RPS6KA2: variants seen among roughly 807,000 people sequenced by gnomAD.
The protein encoded by RPS6KA2 is ribosomal protein S6 kinase alpha-2.
A neutral mutation model predicts 91.8 loss-of-function variants in RPS6KA2; 42 were observed. The ratio of observed to expected loss-of-function variants is 0.46; its 90% CI spans 0.36 to 0.59. The LOEUF (loss-of-function observed/expected upper bound fraction) is 0.59, where lower values mean the gene tolerates loss of function less well. Among genes scored for constraint, RPS6KA2 ranks in the 20% least tolerant of loss-of-function variants. The probability of loss-of-function intolerance (pLI) is 0.00; values close to 1 mark genes in which losing one functional copy is unlikely to be tolerated. For missense variants in RPS6KA2, 798 were observed against 978.5 expected (o/e 0.82, Z 2.46); for synonymous variants, 414 against 393.6 (o/e 1.05, Z -0.61).
intron 1 of RPS6KA2, among the ~76,000 whole-genome samples, chr6:166,551,985 C>T (rs1020543240): frequency 6.6e-6 from 1 of 152,326 alleles, no homozygotes; most frequent in East Asian, 1.9e-4. Flanking sequence ...AGACCGCCTT[C>T]CGACACAGCT....
intron 19 of RPS6KA2, among the ~76,000 whole-genome samples, chr6:166,416,894 C>G (rs1778551267): frequency 6.6e-6 from 1 of 152,134 alleles, no homozygotes; most frequent in African/African-American, 2.4e-5. Flanking sequence ...CCCGCCATTA[C>G]CTCCACCATC....
intron 1 of RPS6KA2, among the ~76,000 whole-genome samples, chr6:166,595,543 T>C (rs1419215927): frequency 2.0e-5 from 3 of 152,182 alleles, no homozygotes; most frequent in Non-Finnish European, 4.4e-5. Context: ...CCCTTTTTCC[T>C]CTCTGAAATT....
intron 2 of RPS6KA2, among the ~76,000 whole-genome samples, chr6:166,659,043 G>A (rs1357898433): frequency 1.3e-5 from 2 of 151,582 alleles, no homozygotes; most frequent in Non-Finnish European, 3.0e-5. Context: ...TGACCCTTGG[G>A]AGGTAAGAAG....
At chr6:166,755,765 C>T (rs149699153) in intron 2 of RPS6KA2, among the ~76,000 whole-genome samples, 319 of 152,234 alleles carry the variant, frequency 2.1e-3, no homozygotes, top group African/African-American at 7.4e-3. Context: ...GGAAATACCC[C>T]CACTGATGTG....
intron 2 of RPS6KA2, among the ~76,000 whole-genome samples, chr6:166,535,257 C>A (rs940009828): frequency 6.6e-6 from 1 of 152,136 alleles, no homozygotes; most frequent in Non-Finnish European, 1.5e-5. Context: ...CATGGATCAC[C>A]GTGATCTGCT....
chr6:166,450,020 G>A (rs965456212), intron 13 of RPS6KA2, among the ~76,000 whole-genome samples: 3 of 84,034 alleles, frequency 3.6e-5, no homozygotes, highest in Non-Finnish European at 5.8e-5. Context: ...TCACCTAAGG[G>A]ACCACCACAG....
Position 166,412,415 on chromosome 6 carries a change from A to T in RPS6KA2, c.*347T>A. On this transcript the variant is annotated 3_prime_UTR_variant, in exon 21 of 21. Transcript: ENST00000265678. The surrounding 1 kb of genome is among the most constrained non-coding windows in gnomAD (Gnocchi z 4.3). ...GAGTCTGACCAAACCGACCGGCTTC[A>T]TAATTGGAAAACAGATCTCTCGGCA... 1 of 164,982 alleles carries T rather than the reference A, an allele frequency of 6.1e-6. No homozygotes were observed. Among genetic ancestry groups the T allele is most frequent in the Non-Finnish European group, 1.3e-5 (1 of 76,314 alleles). 10.2% of individuals were successfully genotyped at this position (164,982 alleles called of 1,614,324 possible). A position where few individuals can be genotyped will look rare whatever the true frequency, so the allele number is the denominator to read the frequency against.
intron 2 of RPS6KA2, among the ~76,000 whole-genome samples, chr6:166,655,119 C>A (rs1787967351): frequency 6.6e-6 from 1 of 152,244 alleles, no homozygotes; most frequent in Non-Finnish European, 1.5e-5. Context: ...AACAGAAGTT[C>A]TCATTTTTGT....
In RPS6KA2 at chr6:166,508,167, C is replaced by T. The variant is rs1307757677; in HGVS notation, c.459+36G>A. The T allele has an allele frequency of 3.5e-6, 5 of 1,439,248 alleles. No individual in the cohort carries two copies. The highest frequency in any genetic ancestry group is 4.9e-6 in the Non-Finnish European group (5 of 1,024,088). The allele number at this position is 1,439,248 out of a possible 1,614,324, so 89.2% of individuals were successfully genotyped here. ...CCCCTCGAGTCCCAGACAGAAGCTCCTGCCCGCCCTCCTGTGTGATGTGGC... is the reference window on the plus strand; with the variant it reads ...CCCCTCGAGTCCCAGACAGAAGCTCTTGCCCGCCCTCCTGTGTGATGTGGC... On this transcript the variant is annotated intron_variant, in intron 5 of 20. Coordinates refer to ENST00000265678, the MANE Select transcript of RPS6KA2 (RefSeq NM_021135.6). This position sits in a 1 kb window ranked among gnomAD's most constrained non-coding sequence, Gnocchi z 4.3.
At chr6:166,668,919 A>C (rs1203268487) in intron 2 of RPS6KA2, among the ~76,000 whole-genome samples, 2 of 117,320 alleles carry the variant, frequency 1.7e-5, no homozygotes, top group African/African-American at 3.4e-5. Flanking sequence ...TCAGGGCCTC[A>C]CTCTGTCACC....
chr6:166,434,217 C>T lies in RPS6KA2; in HGVS notation c.1333-1727G>A, dbSNP rs929373032. Among the ~76,000 whole-genome samples the T allele has an allele frequency of 2.0e-5, 3 of 152,220 alleles. No homozygotes were observed. Among genetic ancestry groups the T allele is most frequent in the East Asian group, 1.9e-4 (1 of 5,202 alleles). On this transcript the variant is annotated intron_variant, in intron 14 of 20. Transcript: ENST00000265678. The surrounding 1 kb of genome is among the most constrained non-coding windows in gnomAD (Gnocchi z 4.4). ...TATAGTTTCAAAGGATGCTCTGCCA[C>T]GGCCACCATTCAGCTGTGACTGCAT...
At chr6:166,651,533 C>T (rs1184686976) in intron 2 of RPS6KA2, among the ~76,000 whole-genome samples, 1 of 152,192 alleles carries the variant, frequency 6.6e-6, no homozygotes, top group South Asian at 2.1e-4. Flanking sequence ...CACGGGAAGA[C>T]AACGGAAATC....
chr6:166,602,695 T>A (rs9295355), intron 1 of RPS6KA2, among the ~76,000 whole-genome samples: 52,571 of 151,986 alleles, frequency 0.35, 9,485 homozygotes, highest in East Asian at 0.51. Context: ...GGAAGAAATA[T>A]ACAGGAGTGG....
intron 2 of RPS6KA2, among the ~76,000 whole-genome samples, chr6:166,678,763 G>A (rs776495661): frequency 5.9e-5 from 9 of 152,212 alleles, no homozygotes; most frequent in African/African-American, 1.4e-4. Context: ...GGCTCAAAAC[G>A]TGGCCTCTGA....
At chr6:166,532,187 G>T (rs1783302789) in intron 2 of RPS6KA2, among the ~76,000 whole-genome samples, 1 of 152,196 alleles carries the variant, frequency 6.6e-6, no homozygotes, top group Non-Finnish European at 1.5e-5. Context: ...AAGCCAGAAA[G>T]ACCAGCCACT....
chr6:166,611,197 T>C (rs569838162), intron 1 of RPS6KA2, among the ~76,000 whole-genome samples: 5 of 152,390 alleles, frequency 3.3e-5, no homozygotes, highest in East Asian at 3.9e-4. Context: ...TTTCCAAATA[T>C]ACATCCTATT....
chr6:166,413,123 G>A (rs73267276), intron 20 of RPS6KA2, among the ~76,000 whole-genome samples: 15,493 of 152,044 alleles, frequency 0.1, 2,484 homozygotes, highest in African/African-American at 0.34. Context: ...ATGCCACCCT[G>A]GCACTGTGCT....
chr6:166,441,891 T>C (rs897228651), intron 14 of RPS6KA2, among the ~76,000 whole-genome samples: 3 of 152,226 alleles, frequency 2.0e-5, no homozygotes, highest in Admixed American at 2.0e-4. Context: ...GCCGGGACCC[T>C]GGCTAGGGGC....
intron 2 of RPS6KA2, among the ~76,000 whole-genome samples, chr6:166,740,110 T>C (rs1044719766): frequency 3.9e-5 from 6 of 152,238 alleles, no homozygotes; most frequent in African/African-American, 1.4e-4. Flanking sequence ...ATGCTCTTCG[T>C]GGCTTCTTGC....
Sources: allele counts gnomAD v4.1 joint callset (sites outside exome capture counted in the v4.1 genomes callset), GRCh38; gene constraint gnomAD v4.1.1; non-coding constraint Gnocchi (gnomAD v3.1); transcripts MANE v1.5; gene names NCBI Gene and HGNC (gene_info 2026-07-23, HGNC 2026-07-21).